KIAA1217: variants seen among roughly 807,000 people sequenced by gnomAD.
The protein encoded by KIAA1217 is sickle tail protein homolog.
A neutral mutation model predicts 163.9 loss-of-function variants in KIAA1217; 88 were observed. That is an observed-to-expected ratio of 0.54 (90% CI 0.45 to 0.64). KIAA1217 has a LOEUF of 0.64. Ranked by LOEUF, KIAA1217 falls within the 30% of genes least tolerant of loss-of-function variation. KIAA1217 has a pLI of 0.00. For synonymous variants in KIAA1217, 903 were observed against 923.1 expected (o/e 0.98, Z 0.39); for missense variants, 2,372 against 2,475.0 (o/e 0.96, Z 0.88).
At chr10:24,229,047 G>C (rs1055525751) in intron 2 of KIAA1217, among the ~76,000 whole-genome samples, 1 of 152,126 alleles carries the variant, frequency 6.6e-6, no homozygotes, top group Admixed American at 6.6e-5. Flanking sequence ...ACTACCCTCT[G>C]TTATGTGTGA....
At chr10:23,851,015 T>A (rs1317096227) in intron 1 of KIAA1217, among the ~76,000 whole-genome samples, 2 of 152,006 alleles carry the variant, frequency 1.3e-5, no homozygotes, top group African/African-American at 4.8e-5. Context: ...ATTACAATTT[T>A]TTTTATTATT....
intron 2 of KIAA1217, among the ~76,000 whole-genome samples, chr10:24,135,345 A>G (rs1018559814): frequency 6.6e-6 from 1 of 152,004 alleles, no homozygotes; most frequent in African/African-American, 2.4e-5. Context: ...TAAGTCAGTG[A>G]GTTTTAGCTC....
intron 2 of KIAA1217, among the ~76,000 whole-genome samples, chr10:24,123,086 A>G (rs2063341944): frequency 6.6e-6 from 1 of 151,444 alleles, no homozygotes; most frequent in South Asian, 2.1e-4. Flanking sequence ...AAATTGCTAC[A>G]TAACTTTCCC....
At chr10:24,119,034 G>A (rs765522570) in intron 2 of KIAA1217, among the ~76,000 whole-genome samples, 8 of 151,810 alleles carry the variant, frequency 5.3e-5, no homozygotes, top group Non-Finnish European at 1.0e-4. Context: ...ATAAATATGA[G>A]TAAAATGATT....
intron 1 of KIAA1217, among the ~76,000 whole-genome samples, chr10:23,740,905 G>C (rs1011578148): frequency 8.5e-5 from 13 of 152,100 alleles, no homozygotes; most frequent in African/African-American, 3.1e-4. Context: ...TCCAGCCTGG[G>C]GGACAGAGCA....
intron 1 of KIAA1217, among the ~76,000 whole-genome samples, chr10:23,811,294 A>G (rs2130985353): frequency 6.8e-6 from 1 of 146,020 alleles, no homozygotes; most frequent in Admixed American, 7.0e-5. Context: ...CATAGCATAT[A>G]TAGTATGTGT....
intron 1 of KIAA1217, among the ~76,000 whole-genome samples, chr10:23,810,212 A>G (rs929793876): frequency 1.3e-5 from 2 of 150,942 alleles, no homozygotes; most frequent in Non-Finnish European, 3.0e-5. Context: ...CCATCCATTC[A>G]TCTATCTGTC....
At chr10:24,465,703 C>T (rs1226012014) in intron 5 of KIAA1217, among the ~76,000 whole-genome samples, 1 of 152,208 alleles carries the variant, frequency 6.6e-6, no homozygotes, top group Non-Finnish European at 1.5e-5. Context: ...GCATTAATGC[C>T]AGTCCTCCGC....
At chr10:23,855,421 G>A (rs531487142) in intron 1 of KIAA1217, among the ~76,000 whole-genome samples, 4 of 152,160 alleles carry the variant, frequency 2.6e-5, no homozygotes, top group East Asian at 3.9e-4. Context: ...TGGGTAACCC[G>A]ACCTTTCTGT....
upstream of KIAA1217, chr10:24,208,949 G>T: frequency 2.8e-6 from 1 of 351,300 alleles, no homozygotes; most frequent in Non-Finnish European, 5.3e-6. Flanking sequence ...ACGGACGGAC[G>T]GACGGACGGA....
chr10:24,254,596 G>A (rs2131583495), intron 2 of KIAA1217, among the ~76,000 whole-genome samples: 1 of 152,292 alleles, frequency 6.6e-6, no homozygotes, highest in Middle Eastern at 3.4e-3. Context: ...AACCTGGTAT[G>A]CTTTTAAGGC....
In KIAA1217 at chr10:24,112,149, A is replaced by G. The variant is rs571703863; in HGVS notation, c.-171+104775A>G. The stretch of plus-strand genomic sequence containing the variant: ...ACAGACATTTTCCTGTAATTTTAAG[A>G]TTTTCTGCCAACAAAAGCATTGGAA... On this transcript the variant is annotated intron_variant, in intron 2 of 18. Coordinates refer to the KIAA1217 transcript ENST00000376462. 4.6e-5 allele frequency among the ~76,000 whole-genome samples: 7 copies of G among 152,238 alleles called. No individual in the cohort carries two copies. The East Asian group carries it at 1.4e-3, about 29-fold the overall frequency.
chr10:24,223,666 G>GTGA (rs2130920356), intron 2 of KIAA1217, among the ~76,000 whole-genome samples: 2 of 151,666 alleles, frequency 1.3e-5, no homozygotes, highest in South Asian at 4.2e-4. Flanking sequence ...GATGTTGAAA[G>GTGA]TGATGTATCT....
At chr10:24,121,148 T>C (rs1268534043) in intron 2 of KIAA1217, among the ~76,000 whole-genome samples, 1 of 152,196 alleles carries the variant, frequency 6.6e-6, no homozygotes, top group African/African-American at 2.4e-5. Context: ...CTGTGGGTTG[T>C]CCAGGCTCCC....
At chr10:24,509,568 A>G (rs1243829847) in intron 9 of KIAA1217, among the ~76,000 whole-genome samples, 1 of 152,188 alleles carries the variant, frequency 6.6e-6, no homozygotes, top group Non-Finnish European at 1.5e-5. Flanking sequence ...CGATTCATTC[A>G]TAGAGCAAAT....
At position 23,799,917 on chromosome 10, in the gene KIAA1217, G is replaced by C. The variant is rs115966757; in HGVS notation, c.-321+104683G>C. ...TGGACTAAGAATTGAAAATATGTTA[G>C]CCCTTCAAGAAATGCCTTTCTAGGA... On this transcript the variant is annotated intron_variant, in intron 1 of 18. Transcript: ENST00000376462. Among the ~76,000 whole-genome samples, 1,059 of 152,274 alleles carry C rather than the reference G, an allele frequency of 7.0e-3. 8 individuals are homozygous for C. Among genetic ancestry groups the C allele is most frequent in the African/African-American group, 0.024 (978 of 41,556 alleles).
chr10:24,098,489 G>T (rs745435021), intron 2 of KIAA1217, among the ~76,000 whole-genome samples: 14 of 152,148 alleles, frequency 9.2e-5, no homozygotes, highest in South Asian at 8.3e-4. Flanking sequence ...GAGTGGAGAA[G>T]GGTCTACTCA....
chr10:24,520,878 A>G lies in KIAA1217; in HGVS notation c.2308+625A>G, dbSNP rs114826762. 4.7e-3 allele frequency among the ~76,000 whole-genome samples: 697 copies of G among 148,750 alleles called. 4 individuals are homozygous for G. Among genetic ancestry groups the G allele is most frequent in the African/African-American group, 0.016 (636 of 40,688 alleles). ...CCAAAAAATAAAAATAAAAAACAAAAAATAAAAAATTAAATTAAATTAAAA... is the reference window on the plus strand; with the variant it reads ...CCAAAAAATAAAAATAAAAAACAAAGAATAAAAAATTAAATTAAATTAAAA... On this transcript the variant is annotated intron_variant, in intron 11 of 20. Coordinates refer to ENST00000376454, the MANE Select transcript of KIAA1217 (RefSeq NM_019590.5).
intron 2 of KIAA1217, among the ~76,000 whole-genome samples, chr10:24,343,026 C>A (rs2047294629): frequency 1.3e-5 from 2 of 152,148 alleles, no homozygotes; most frequent in African/African-American, 4.8e-5. Flanking sequence ...GTTCCCTATG[C>A]TAATTTAAAT....
Sources: gnomAD v4.1 joint callset for allele counts (sites outside exome capture counted in the v4.1 genomes callset) on GRCh38, gnomAD v4.1.1 for gene constraint, MANE v1.5 for transcripts, NCBI Gene and HGNC (gene_info 2026-07-23, HGNC 2026-07-21) for gene names.